ANXA9: variants seen among roughly 807,000 people sequenced by gnomAD.
ANXA9 encodes the protein annexin A9, also known as annexin 31.
In ANXA9, 47 loss-of-function variants were observed where a neutral mutation model predicts 51.8. The ratio of observed to expected loss-of-function variants is 0.91; its 90% CI spans 0.72 to 1.16. The LOEUF is 1.16. Ranked by LOEUF, ANXA9 falls within the 50% of genes most tolerant of loss-of-function variation. The probability of loss-of-function intolerance (pLI) is 0.00; values close to 1 mark genes in which losing one functional copy is unlikely to be tolerated. For synonymous variants in ANXA9, 154 were observed against 168.7 expected (o/e 0.91, Z 0.68); for missense variants, 361 against 424.7 (o/e 0.85, Z 1.32).
In ANXA9 at chr1:150,986,379, TG is replaced by T; in HGVS notation, c.518del (p.Gly173AlafsTer92). On this transcript the variant is annotated frameshift_variant, in exon 8 of 14. Coordinates refer to ENST00000368947, the MANE Select transcript of ANXA9 (RefSeq NM_003568.3). LOFTEE classifies it high-confidence loss of function. ...AVDDITSETS[G>X]ILQDLLLALA... is the part of the protein sequence containing the mutation. ...TGGATGACATCACATCTGAGACCAGTGGCATCTTGCAGGACCTGCTGTTGGC... is the reference window on the plus strand; with the variant it reads ...TGGATGACATCACATCTGAGACCAGTGCATCTTGCAGGACCTGCTGTTGGC... 1 of 1,614,088 alleles carries T rather than the reference TG, an allele frequency of 6.2e-7. No individual in the cohort carries two copies. The highest frequency in any genetic ancestry group is 8.5e-7 in the Non-Finnish European group (1 of 1,179,986).
chr1:150,989,258 C>T lies in ANXA9; in HGVS notation c.852+917C>T, dbSNP rs141647384. ...CCTCCCGAAGTGCTAGGATTACAGG[C>T]GTGAGCCACTGCGCCCAGCCCATAT... On this transcript the variant is annotated intron_variant, in intron 12 of 13. Transcript: ENST00000368947. 8.9e-3 allele frequency among the ~76,000 whole-genome samples: 1,349 copies of T among 152,024 alleles called. 16 individuals are homozygous for T. Among genetic ancestry groups the T allele is most frequent in the African/African-American group, 0.028 (1,182 of 41,486 alleles).
At chr1:150,986,223 G>A (rs1046946973) in intron 7 of ANXA9, 113 bp from the exon 8 acceptor site, 37 of 858,578 alleles carry the variant, frequency 4.3e-5, no homozygotes, top group Non-Finnish European at 6.7e-5. Context: ...GCTACTCCAA[G>A]CAGGGGCTAG....
intron 12 of ANXA9, among the ~76,000 whole-genome samples, chr1:150,990,374 A>T (rs960313413): frequency 6.7e-6 from 1 of 148,828 alleles, no homozygotes; most frequent in Non-Finnish European, 1.5e-5. Flanking sequence ...GAAAAAAAAA[A>T]TTTTTTTTTT....
chr1:150,991,533 CCTTCTT>C lies in ANXA9; in HGVS notation c.853-3034_853-3029del, dbSNP rs148927689. Among the ~76,000 whole-genome samples, 5 of 149,138 alleles carry C rather than the reference CCTTCTT, an allele frequency of 3.4e-5. No homozygotes were observed. The South Asian group carries it at 6.3e-4, about 19-fold the overall frequency. On this transcript the variant is annotated intron_variant, in intron 12 of 13. Coordinates refer to ENST00000368947, the MANE Select transcript of ANXA9 (RefSeq NM_003568.3). ...TACAGGCCTGAGCCAAGGTGCCCGG[CCTTCTT>C]CTTCTTCTTTTTTTTTCCTTTGAGA...
chr1:150,980,884 ACCTT>A (rs1410725803), upstream of ANXA9, among the ~76,000 whole-genome samples: 1 of 79,326 alleles, frequency 1.3e-5, no homozygotes, highest in Admixed American at 1.7e-4. Context: ...TGGCCACATT[ACCTT>A]ATTTATTTAT....
chr1:150,981,628 T>C (rs1373089452), upstream of ANXA9, among the ~76,000 whole-genome samples: 2 of 152,204 alleles, frequency 1.3e-5, no homozygotes, highest in African/African-American at 4.8e-5. Flanking sequence ...CTCCCCCATC[T>C]CCCTGTTGCC....
chr1:150,984,480 G>A (rs1284897246), intron 6 of ANXA9, 86 bp downstream of exon 6: 11 of 1,535,744 alleles, frequency 7.2e-6, no homozygotes, highest in East Asian at 2.2e-5. Flanking sequence ...TCCCCCTCTC[G>A]TCGTCCCATA....
chr1:150,981,757 A>T (rs1255522076), upstream of ANXA9, among the ~76,000 whole-genome samples: 2 of 152,210 alleles, frequency 1.3e-5, no homozygotes, highest in East Asian at 3.8e-4. Flanking sequence ...AGATATACAC[A>T]ATCCCTGGGC....
In ANXA9 at chr1:150,991,489, C is replaced by A. The variant is rs1017312975; in HGVS notation, c.853-3088C>A. ...TGATCTCGTGATCCACACGCCTCAG[C>A]CTCCCAAAGTGCTGGGATTACAGGC... is the stretch of plus-strand genomic sequence containing the variant. On this transcript the variant is annotated intron_variant, in intron 12 of 13. Transcript: ENST00000368947. Among the ~76,000 whole-genome samples the A allele has an allele frequency of 2.0e-4, 30 of 151,748 alleles. 1 individual carries two copies. The highest frequency in any genetic ancestry group is 7.3e-4 in the African/African-American group (30 of 41,350).
intron 4 of ANXA9, among the ~76,000 whole-genome samples, 165 bp downstream of exon 4, chr1:150,983,599 C>T (rs1037423787): frequency 6.6e-6 from 1 of 152,222 alleles, no homozygotes; most frequent in Non-Finnish European, 1.5e-5. Context: ...ATTCTCACAA[C>T]ACCCCTGTGA....
At chr1:150,978,521 C>A (rs1438801970), upstream of ANXA9, among the ~76,000 whole-genome samples, 1 of 152,110 alleles carries the variant, frequency 6.6e-6, no homozygotes, top group African/African-American at 2.4e-5. Flanking sequence ...GCTGCCTTTC[C>A]CCTGTATTCC....
chr1:150,984,019 A>T lies in ANXA9; in HGVS notation c.217A>T (p.Arg73Ter). ...TGTGGACGTGCTGACCAACCGGAGC[A>T]GAGAGCAAAGGCAGCTCATCTCACG... ...AIVDVLTNRS[R>*]EQRQLISRNF... Residue 73 changes from arginine (R) to a stop codon, truncating the protein, a stop_gained, in exon 5 of 14, where the codon AGA becomes TGA. Transcript: ENST00000368947. LOFTEE classifies it high-confidence loss of function. 1 of 1,612,186 alleles carries T rather than the reference A, an allele frequency of 6.2e-7. No homozygotes were observed. The highest frequency in any genetic ancestry group is 8.5e-7 in the Non-Finnish European group (1 of 1,179,542).
chr1:150,983,258 G>A (rs1215981176), intron 3 of ANXA9, 78 bp downstream of exon 3: 1 of 1,599,642 alleles, frequency 6.3e-7, no homozygotes, highest in East Asian at 2.2e-5. Flanking sequence ...CAGGAAAGTG[G>A]AGGACAGGCC....
chr1:150,984,395 G>A lies in ANXA9; in HGVS notation c.381+1G>A. ...CCAGGAATTGAGGACAGCTCTGAAG[G>A]TAGCAGGAGGGGAGACTTGCTGGGG... On this transcript the variant is annotated splice_donor_variant, in intron 6 of 13. Coordinates refer to ENST00000368947, the MANE Select transcript of ANXA9 (RefSeq NM_003568.3). LOFTEE classifies it high-confidence loss of function. 1 of 1,613,962 alleles carries A rather than the reference G, an allele frequency of 6.2e-7. No individual in the cohort carries two copies. The highest frequency in any genetic ancestry group is 2.2e-5 in the East Asian group (1 of 44,878).
At chr1:150,984,712 G>T (rs1175245488) in intron 7 of ANXA9, 36 bp downstream of exon 7, 1 of 1,581,692 alleles carries the variant, frequency 6.3e-7, no homozygotes, top group Admixed American at 1.7e-5. Context: ...AGATGCTGGA[G>T]AAGGGGCTGT....
upstream of ANXA9, among the ~76,000 whole-genome samples, chr1:150,981,020 C>T (rs587744495): frequency 5.9e-5 from 9 of 152,086 alleles, no homozygotes; most frequent in Non-Finnish European, 1.0e-4. Context: ...AACCTGTCCT[C>T]GGAGGCCCCA....
At chr1:150,987,358 TCG>T (rs1357924431) in intron 9 of ANXA9, among the ~76,000 whole-genome samples, 67 of 107,064 alleles carry the variant, frequency 6.3e-4, no homozygotes, top group African/African-American at 9.9e-4. Context: ...CCCATCTCTC[TCG>T]CTCTCTCTCT....
At chr1:150,984,434 G>A (rs1487280136) in intron 6 of ANXA9, 40 bp downstream of exon 6, 1 of 1,600,662 alleles carries the variant, frequency 6.2e-7, no homozygotes, top group South Asian at 1.1e-5. Flanking sequence ...CTGGGGAAGG[G>A]AGAAGGCTGT....
chr1:150,995,524 A>C lies in ANXA9; in HGVS notation c.*202A>C. 1 of 498,766 alleles carries C rather than the reference A, an allele frequency of 2.0e-6. No individual in the cohort carries two copies. Among genetic ancestry groups the C allele is most frequent in the Non-Finnish European group, 3.5e-6 (1 of 286,094 alleles). The allele number at this position is 498,766 out of a possible 1,614,324, so 30.9% of individuals were successfully genotyped here. On this transcript the variant is annotated 3_prime_UTR_variant, in exon 14 of 14. Transcript: ENST00000368947. ...AATTATATCTGTACCTGGGTCATCC[A>C]GCTCCTTCTTGGGTGTGGGGAAATG... is the stretch of plus-strand genomic sequence containing the variant.
Sources: allele counts gnomAD v4.1 joint callset (sites outside exome capture counted in the v4.1 genomes callset), GRCh38; gene constraint gnomAD v4.1.1; transcripts MANE v1.5; gene names NCBI Gene and HGNC (gene_info 2026-07-23, HGNC 2026-07-21).